DEUP1: variants seen among roughly 807,000 people sequenced by gnomAD.
DEUP1 encodes coiled-coil domain containing 67.
Under a neutral mutation model 87.4 loss-of-function variants are expected in DEUP1, and 82 were observed. That is an observed-to-expected ratio of 0.94 (90% CI 0.78 to 1.13). The LOEUF (loss-of-function observed/expected upper bound fraction) is 1.13, where lower values mean the gene tolerates loss of function less well. DEUP1 is among the 50% of genes most tolerant of loss of function. DEUP1 has a pLI of 0.00. For missense variants in DEUP1, 663 were observed against 681.5 expected (o/e 0.97, Z 0.30); for synonymous variants, 214 against 222.7 (o/e 0.96, Z 0.35).
At chr11:93,337,087 G>A (rs910997074) in intron 2 of DEUP1, among the ~76,000 whole-genome samples, 18 of 152,186 alleles carry the variant, frequency 1.2e-4, no homozygotes, top group African/African-American at 3.1e-4. Flanking sequence ...GTACTGCTAC[G>A]TGATCCACCA....
chr11:93,431,918 C>T (rs563900426), intron 13 of DEUP1, among the ~76,000 whole-genome samples: 2 of 152,274 alleles, frequency 1.3e-5, no homozygotes, highest in East Asian at 3.9e-4. Context: ...GAGGAGTAAT[C>T]ATGATTTCTA....
chr11:93,419,400 C>G (rs1016436206), intron 13 of DEUP1, among the ~76,000 whole-genome samples: 1 of 152,168 alleles, frequency 6.6e-6, no homozygotes, highest in Non-Finnish European at 1.5e-5. Context: ...TGTTCTTATG[C>G]TAGTTGAAGT....
At chr11:93,406,762 A>G (rs932530907) in intron 11 of DEUP1, among the ~76,000 whole-genome samples, 2 of 151,996 alleles carry the variant, frequency 1.3e-5, no homozygotes, top group African/African-American at 4.8e-5. Flanking sequence ...ATTCCTTCAA[A>G]TTAGTAAGAA....
chr11:93,387,229 A>G (rs771484592), intron 8 of DEUP1, among the ~76,000 whole-genome samples: 5 of 152,042 alleles, frequency 3.3e-5, no homozygotes, highest in Non-Finnish European at 5.9e-5. Context: ...AAAAGAGTCT[A>G]ATTTTTTTAG....
intron 4 of DEUP1, among the ~76,000 whole-genome samples, chr11:93,363,060 A>G (rs888836136): frequency 6.6e-6 from 1 of 151,920 alleles, no homozygotes; most frequent in Non-Finnish European, 1.5e-5. Context: ...ATGGAATACT[A>G]TTCAGCACTA....
intron 13 of DEUP1, among the ~76,000 whole-genome samples, chr11:93,417,840 T>C (rs1472849666): frequency 6.6e-5 from 10 of 152,094 alleles, no homozygotes; most frequent in African/African-American, 2.4e-4. Flanking sequence ...GAAATATAGA[T>C]CAATGGAACA....
At position 93,427,012 on chromosome 11, in the gene DEUP1, GAAAAAAAA is replaced by G. The variant is rs1215051153; in HGVS notation, c.1639-10519_1639-10512del. Among the ~76,000 whole-genome samples the G allele has an allele frequency of 7.6e-4, 9 of 11,844 alleles. 4 individuals are homozygous for G. The highest frequency in any genetic ancestry group is 3.7e-3 in the African/African-American group (9 of 2,412). 7.8% of individuals were successfully genotyped at this position (11,844 alleles called of 152,430 possible). A position where few individuals can be genotyped will look rare whatever the true frequency, so the allele number is the denominator to read the frequency against. On this transcript the variant is annotated intron_variant, in intron 13 of 13. Coordinates refer to ENST00000298050, the MANE Select transcript of DEUP1 (RefSeq NM_181645.4). ...AGTATAATAAAAAAAAAAAAAAAAA[GAAAAAAAA>G]AAAAAAAAAAAGAAAATGGCCATAC...
At chr11:93,431,095 C>CAAAAAAAAAA (rs10534401) in intron 13 of DEUP1, among the ~76,000 whole-genome samples, 2 of 112,624 alleles carry the variant, frequency 1.8e-5, no homozygotes. Context: ...AACACTGTCT[C>CAAAAAAAAAA]AAAAAAAAAA....
chr11:93,430,213 T>G (rs1013090910), intron 13 of DEUP1, among the ~76,000 whole-genome samples: 1 of 152,170 alleles, frequency 6.6e-6, no homozygotes, highest in Non-Finnish European at 1.5e-5. Flanking sequence ...AATATTAGTG[T>G]TATTTATTCA....
intron 11 of DEUP1, among the ~76,000 whole-genome samples, chr11:93,398,308 A>G (rs1455010067): frequency 1.3e-5 from 2 of 152,070 alleles, no homozygotes; most frequent in Non-Finnish European, 2.9e-5. Context: ...AACTATTTTT[A>G]TACTTATTTC....
At chr11:93,364,460 G>A (rs1488049725) in intron 5 of DEUP1, among the ~76,000 whole-genome samples, 166 bp downstream of exon 5, 1 of 151,376 alleles carries the variant, frequency 6.6e-6, no homozygotes, top group Non-Finnish European at 1.5e-5. Flanking sequence ...TTCCCCTCAG[G>A]CACTTAGTGA....
At position 93,350,888 on chromosome 11, in the gene DEUP1, G is replaced by A. The variant is rs145289066; in HGVS notation, c.30-4483G>A. On this transcript the variant is annotated intron_variant, in intron 2 of 13. Transcript: ENST00000298050. Reference sequence around the variant, plus strand: ...GAAGAATCGTTTGAACCCAGGAGGCGGAGGTGGTAGTGAGCCAAGATTGTG... The same window carrying A: ...GAAGAATCGTTTGAACCCAGGAGGCAGAGGTGGTAGTGAGCCAAGATTGTG... 5.5e-3 allele frequency among the ~76,000 whole-genome samples: 827 copies of A among 151,686 alleles called. 8 individuals carry two copies. The highest frequency in any genetic ancestry group is 0.018 in the African/African-American group (740 of 41,398).
intron 13 of DEUP1, among the ~76,000 whole-genome samples, chr11:93,434,766 A>G (rs1315757555): frequency 6.6e-6 from 1 of 152,194 alleles, no homozygotes; most frequent in Non-Finnish European, 1.5e-5. Context: ...GAGTGAAGCC[A>G]TTCCTACTTC....
intron 2 of DEUP1, among the ~76,000 whole-genome samples, chr11:93,351,962 GT>G (rs1399915830): frequency 2.6e-5 from 4 of 152,126 alleles, no homozygotes; most frequent in Non-Finnish European, 5.9e-5. Context: ...TTTCAAGCAT[GT>G]TCTTATTCAA....
At chr11:93,360,937 A>G (rs1945147789) in intron 4 of DEUP1, among the ~76,000 whole-genome samples, 1 of 150,388 alleles carries the variant, frequency 6.6e-6, no homozygotes, top group Non-Finnish European at 1.5e-5. Context: ...AAACCTGCAG[A>G]TTGAAAAGCT....
chr11:93,372,111 G>A, intron 7 of DEUP1, among the ~76,000 whole-genome samples: 1 of 151,592 alleles, frequency 6.6e-6, no homozygotes, highest in East Asian at 1.9e-4. Flanking sequence ...TGTATTTTTA[G>A]TAGAGACGGG....
chr11:93,358,348 A>G (rs2134223433), intron 4 of DEUP1, among the ~76,000 whole-genome samples: 2 of 152,290 alleles, frequency 1.3e-5, no homozygotes, highest in Non-Finnish European at 2.9e-5. Flanking sequence ...TTCAGTGCTA[A>G]CCAAAAAATA....
At position 93,332,218 on chromosome 11, in the gene DEUP1, T is replaced by TA; in HGVS notation, c.-37dup. On this transcript the variant is annotated 5_prime_UTR_variant, in exon 2 of 14. Coordinates refer to ENST00000298050, the MANE Select transcript of DEUP1 (RefSeq NM_181645.4). ...TTGTATCATTTTCCTCCTAACAGAT[T>TA]AAAAATCAAGAAATATAAACCAGAT... The TA allele has an allele frequency of 6.4e-7, 1 of 1,573,412 alleles. No individual in the cohort carries two copies. Among genetic ancestry groups the TA allele is most frequent in the Non-Finnish European group, 8.7e-7 (1 of 1,151,344 alleles).
At chr11:93,351,534 G>A (rs1395902065) in intron 2 of DEUP1, among the ~76,000 whole-genome samples, 1 of 152,142 alleles carries the variant, frequency 6.6e-6, no homozygotes, top group Non-Finnish European at 1.5e-5. Flanking sequence ...TACAGTACAA[G>A]GTGATACATG....
Sources: gnomAD v4.1 joint callset for allele counts (sites outside exome capture counted in the v4.1 genomes callset) on GRCh38, gnomAD v4.1.1 for gene constraint, MANE v1.5 for transcripts, NCBI Gene and HGNC (gene_info 2026-07-23, HGNC 2026-07-21) for gene names.